The following COL22A1 variants were observed in gnomAD, a reference collection of about 807,000 sequenced individuals.
The protein encoded by COL22A1 is collagen alpha-1(XXII) chain.
In COL22A1, 221 loss-of-function variants were observed where a neutral mutation model predicts 248.9. The observed-to-expected ratio is 0.89, with a 90% confidence interval of 0.80 to 0.99. The LOEUF (loss-of-function observed/expected upper bound fraction) is 0.99. Among genes scored for constraint, COL22A1 ranks in the 50% least tolerant of loss-of-function variants. COL22A1 has a pLI of 0.00. For synonymous variants in COL22A1, 891 were observed against 793.4 expected, an observed-to-expected ratio of 1.12 and a Z score of -2.07; for missense variants, 2,240 against 2,179.0, an observed-to-expected ratio of 1.03 and a Z score of -0.56.
chr8:138,678,009 T>A (rs1825695128), intron 40 of COL22A1, among the ~76,000 whole-genome samples: 1 of 152,272 alleles, frequency 6.6e-6, no homozygotes, highest in Non-Finnish European at 1.5e-5. Context: ...TTTGTTGCTT[T>A]ATTAAGGTTT....
chr8:138,905,897 G>A (rs959454360), intron 1 of COL22A1, among the ~76,000 whole-genome samples: 5 of 152,038 alleles, frequency 3.3e-5, no homozygotes, highest in Non-Finnish European at 5.9e-5. Flanking sequence ...CATTGTCTGT[G>A]TTGTTACCTC....
At chr8:138,725,362 T>C in intron 24 of COL22A1, 25 bp downstream of exon 24, 1 of 1,612,944 alleles carries the variant, frequency 6.2e-7, no homozygotes, top group Non-Finnish European at 8.5e-7. Context: ...TAAGAGCCCC[T>C]GTAGAAAATC....
intron 41 of COL22A1, 47 bp downstream of exon 41, chr8:138,676,511 G>T (rs1021964800): frequency 1.8e-6 from 2 of 1,138,686 alleles, no homozygotes; most frequent in Non-Finnish European, 2.5e-6. Flanking sequence ...ACAGGAAATG[G>T]CTGTATGTCC....
intron 41 of COL22A1, among the ~76,000 whole-genome samples, chr8:138,668,911 G>A (rs1485748428): frequency 5.3e-5 from 8 of 152,234 alleles, no homozygotes; most frequent in African/African-American, 1.9e-4. Context: ...GGCGAAAAGA[G>A]GTTTAGTGGG....
intron 32 of COL22A1, 122 bp downstream of exon 32, chr8:138,699,990 G>T: frequency 1.1e-6 from 1 of 902,570 alleles, no homozygotes; most frequent in Non-Finnish European, 1.8e-6. Context: ...CCAGATCCCT[G>T]ACAGTGATGA....
rs552996084 is a variant in COL22A1, at chr8:138,663,850, C to G, written c.3151-110G>C. On this transcript the variant is annotated intron_variant, in intron 41 of 64. Transcript: ENST00000303045. The stretch of plus-strand genomic sequence containing the variant: ...TCCTCAGTTGTCCTAGGAGGAGTCA[C>G]TAACTTCCTCCCACCTTGAAGCCAC... 37 of 798,532 alleles carry G rather than the reference C, an allele frequency of 4.6e-5. No homozygotes were observed. In the African/African-American group the frequency reaches 5.7e-4, roughly 12 times the overall value. The allele number at this position is 798,532 out of a possible 1,614,324, so 49.5% of individuals were successfully genotyped here.
chr8:138,755,414 T>C, intron 20 of COL22A1, 68 bp downstream of exon 20: 2 of 1,520,844 alleles, frequency 1.3e-6, no homozygotes, highest in Non-Finnish European at 1.8e-6. Flanking sequence ...CCTGAGATCA[T>C]GGTTGTGGCT....
intron 37 of COL22A1, among the ~76,000 whole-genome samples, chr8:138,686,175 A>G (rs1257104663): frequency 6.6e-6 from 1 of 152,240 alleles, no homozygotes; most frequent in Non-Finnish European, 1.5e-5. Context: ...CTATAAGAAC[A>G]GAGCCTAAAG....
At chr8:138,853,068 C>T (rs955360260) in intron 3 of COL22A1, among the ~76,000 whole-genome samples, 57 of 151,972 alleles carry the variant, frequency 3.8e-4, no homozygotes, top group African/African-American at 1.3e-3. Context: ...CCCAACTACC[C>T]GGGAGCCTGA....
rs149282812 is a variant in COL22A1 at position 138,844,851 on chromosome 8, G to C, written c.659-693C>G. Among the ~76,000 whole-genome samples, 751 of 151,750 alleles carry C rather than the reference G, an allele frequency of 4.9e-3. 10 individuals carry two copies. Among genetic ancestry groups the C allele is most frequent in the African/African-American group, 0.017 (719 of 41,326 alleles). On this transcript the variant is annotated intron_variant, in intron 3 of 64. Coordinates refer to ENST00000303045, the MANE Select transcript of COL22A1 (RefSeq NM_152888.3). ...TGTAGTCCCAGCTACTCGGGAGGCT[G>C]AGGCAGGAGAATGGTGTGAATCCGG...
At position 138,591,413 on chromosome 8, in the gene COL22A1, A is replaced by AT; in HGVS notation, c.4693+10dup. On this transcript the variant is annotated intron_variant, in intron 64 of 64. Transcript: ENST00000303045. ...CACACCCTACCCCTGAGACTGCAGA[A>AT]TGAGTCATACCTGGGATTCCAGGGG... is the stretch of plus-strand genomic sequence containing the variant. 6.4e-7 allele frequency: 1 copy of AT among 1,570,628 alleles called. No homozygotes were observed. Among genetic ancestry groups the AT allele is most frequent in the Non-Finnish European group, 8.6e-7 (1 of 1,157,922 alleles).
chr8:138,617,092 T>C, intron 53 of COL22A1, 134 bp from the exon 54 acceptor site: 1 of 886,568 alleles, frequency 1.1e-6, no homozygotes, highest in Non-Finnish European at 1.8e-6. Flanking sequence ...TACTGAGCCC[T>C]ACTTGGTGCC....
rs939568584 is a variant in COL22A1, at chr8:138,791,909, AT to A, written c.1596+4909del. ...CTGAGTTTCTTATATTTGCTTGCTG[AT>A]TTTTTTTTTCTGGTGCACCATACTG... is the stretch of plus-strand genomic sequence containing the variant. On this transcript the variant is annotated intron_variant, in intron 12 of 64. Transcript: ENST00000303045. Among the ~76,000 whole-genome samples the A allele has an allele frequency of 2.4e-3, 367 of 150,610 alleles. 3 individuals are homozygous for A. Among genetic ancestry groups the A allele is most frequent in the Non-Finnish European group, 2.3e-3 (155 of 67,490 alleles).
chr8:138,817,421 A>G (rs1402247477), intron 7 of COL22A1, among the ~76,000 whole-genome samples: 1 of 152,190 alleles, frequency 6.6e-6, no homozygotes. Context: ...TGCCTGCTTG[A>G]TAATGGATAG....
intron 56 of COL22A1, among the ~76,000 whole-genome samples, chr8:138,609,767 C>T (rs986954828): frequency 6.6e-6 from 1 of 152,110 alleles, no homozygotes; most frequent in Non-Finnish European, 1.5e-5. Context: ...CAGTAGCATA[C>T]GGTGCCAACA....
intron 5 of COL22A1, among the ~76,000 whole-genome samples, chr8:138,827,548 T>A (rs1819691122): frequency 6.6e-6 from 1 of 152,070 alleles, no homozygotes; most frequent in Non-Finnish European, 1.5e-5. Flanking sequence ...TAGCACATCC[T>A]CTTCTCTCCC....
chr8:138,705,485 T>C lies in COL22A1; in HGVS notation c.2518-2138A>G, dbSNP rs547721823. Among the ~76,000 whole-genome samples, 319 of 152,292 alleles carry C rather than the reference T, an allele frequency of 2.1e-3. 3 individuals are homozygous for C. The South Asian group carries it at 0.025, about 12-fold the overall frequency. ...GAGTAGGGGCCAATATTCAACATTC[T>C]TAAAGAAAAGAATTTTCAACCCAGA... On this transcript the variant is annotated intron_variant, in intron 30 of 64. Coordinates refer to ENST00000303045, the MANE Select transcript of COL22A1 (RefSeq NM_152888.3).
intron 9 of COL22A1, among the ~76,000 whole-genome samples, chr8:138,811,260 C>CAT (rs772821836): frequency 0.27 from 39,367 of 146,080 alleles, 5,490 homozygotes; most frequent in African/African-American, 0.34. Context: ...CAAAACTCTA[C>CAT]ATATATATAT....
intron 7 of COL22A1, among the ~76,000 whole-genome samples, chr8:138,814,559 G>T (rs73723539): frequency 0.011 from 1,689 of 152,274 alleles, 38 homozygotes; most frequent in African/African-American, 0.038. Context: ...CACTAGCAAG[G>T]AACTGAGGTC....
Sources: gnomAD v4.1 joint callset for allele counts (sites outside exome capture counted in the v4.1 genomes callset) on GRCh38, gnomAD v4.1.1 for gene constraint, MANE v1.5 for transcripts, NCBI Gene and HGNC (gene_info 2026-07-23, HGNC 2026-07-21) for gene names.